Variants in KCNIP1 observed in about 807,000 individuals in gnomAD.
The protein encoded by KCNIP1 is A-type potassium channel modulatory protein KCNIP1.
KCNIP1 carries 18 observed loss-of-function variants against 33.0 expected under a neutral mutation model. The observed-to-expected ratio is 0.55, with a 90% confidence interval of 0.38 to 0.81. The LOEUF (loss-of-function observed/expected upper bound fraction) is 0.81. KCNIP1 is among the 30% of genes least tolerant of loss of function. The probability of loss-of-function intolerance (pLI) is 0.00; values close to 1 mark genes in which losing one functional copy is unlikely to be tolerated. For missense variants in KCNIP1, 238 were observed against 271.6 expected (o/e 0.88, Z 0.87); for synonymous variants, 93 against 98.3 (o/e 0.95, Z 0.32).
At chr5:170,685,410 C>G (rs375778196) in intron 1 of KCNIP1, among the ~76,000 whole-genome samples, 8 of 149,460 alleles carry the variant, frequency 5.4e-5, no homozygotes, top group African/African-American at 2.0e-4. Flanking sequence ...GAGAGAGTCT[C>G]TTCTAAAATC....
chr5:170,608,026 G>T (rs1758998202), intron 1 of KCNIP1, among the ~76,000 whole-genome samples: 1 of 152,116 alleles, frequency 6.6e-6, no homozygotes, highest in South Asian at 2.1e-4. Flanking sequence ...TTCTCTCACT[G>T]CCCTGAAGGC....
At chr5:170,432,797 C>T (rs1319955282) in intron 1 of KCNIP1, among the ~76,000 whole-genome samples, 1 of 152,074 alleles carries the variant, frequency 6.6e-6, no homozygotes, top group Non-Finnish European at 1.5e-5. Flanking sequence ...AATTAATATC[C>T]CCATTTTACA....
At chr5:170,502,235 T>G (rs1345723617), upstream of KCNIP1, among the ~76,000 whole-genome samples, 1 of 152,194 alleles carries the variant, frequency 6.6e-6, no homozygotes, top group Non-Finnish European at 1.5e-5. Flanking sequence ...CAGTGGGCAA[T>G]GCAAAGGAAA....
In KCNIP1 at chr5:170,481,511, G is replaced by A. The variant is rs568385141; in HGVS notation, c.88+127547G>A. Among the ~76,000 whole-genome samples the A allele has an allele frequency of 2.0e-5, 3 of 152,214 alleles. No individual in the cohort carries two copies. In the East Asian group the frequency reaches 5.8e-4, roughly 29 times the overall value. ...AGCGTGAGCATTGCTCCATTATGTT[G>A]TTCTAATGTAAAAATGTCAAACACA... is the stretch of plus-strand genomic sequence containing the variant. On this transcript the variant is annotated intron_variant, in intron 1 of 7. Transcript: ENST00000377360.
Position 170,386,683 on chromosome 5 carries a change from G to A in KCNIP1, c.88+32719G>A, listed in dbSNP as rs906196586. Among the ~76,000 whole-genome samples the A allele has an allele frequency of 6.6e-5, 10 of 151,384 alleles. No individual in the cohort carries two copies. In the South Asian group the frequency reaches 8.3e-4, roughly 13 times the overall value. On this transcript the variant is annotated intron_variant, in intron 1 of 7. Transcript: ENST00000377360. ...AGAGGCAGGAGGTTTACCATATTCC[G>A]GTGTTTTTTTTTTTTGTAAGGAACA...
intron 1 of KCNIP1, among the ~76,000 whole-genome samples, chr5:170,577,969 T>A (rs541406320): frequency 2.0e-4 from 30 of 152,284 alleles, no homozygotes; most frequent in Admixed American, 1.7e-3. Flanking sequence ...CTAAAAAAAA[T>A]GTGTCAATGA....
intron 1 of KCNIP1, among the ~76,000 whole-genome samples, chr5:170,492,854 A>T (rs1031776298): frequency 1.3e-5 from 2 of 152,080 alleles, no homozygotes; most frequent in Non-Finnish European, 2.9e-5. Flanking sequence ...GGTTCAAGTG[A>T]TTCTCCTGCC....
intron 1 of KCNIP1, among the ~76,000 whole-genome samples, chr5:170,583,339 CAA>C (rs1315198651): frequency 1.3e-5 from 2 of 152,122 alleles, no homozygotes; most frequent in Non-Finnish European, 2.9e-5. Flanking sequence ...GCCAATGCTG[CAA>C]AGTTTACTTA....
intron 5 of KCNIP1, among the ~76,000 whole-genome samples, chr5:170,730,962 A>T (rs956881484): frequency 6.6e-6 from 1 of 152,236 alleles, no homozygotes; most frequent in Non-Finnish European, 1.5e-5. Flanking sequence ...GTAAATGCCC[A>T]CAAGTCCATG....
At chr5:170,636,679 G>A (rs1218797843) in intron 1 of KCNIP1, among the ~76,000 whole-genome samples, 6 of 152,100 alleles carry the variant, frequency 3.9e-5, no homozygotes, top group African/African-American at 7.2e-5. Flanking sequence ...CCCCAAGATC[G>A]CACAGCAAGC....
In KCNIP1 at chr5:170,735,886, AT is replaced by A; in HGVS notation, c.*84del. 8.2e-7 allele frequency: 1 copy of A among 1,225,106 alleles called. No homozygotes were observed. Among genetic ancestry groups the A allele is most frequent in the Non-Finnish European group, 1.2e-6 (1 of 832,806 alleles). The allele number at this position is 1,225,106 out of a possible 1,614,324, so 75.9% of individuals were successfully genotyped here. A position where few individuals can be genotyped will look rare whatever the true frequency, so the allele number is the denominator to read the frequency against. ...AACACCCTGATCTGCCCTTGTTCTGATTTTACACACCAACTCTTGGGACAGA... is the reference window on the plus strand; with the variant it reads ...AACACCCTGATCTGCCCTTGTTCTGATTTACACACCAACTCTTGGGACAGA... On this transcript the variant is annotated 3_prime_UTR_variant, in exon 8 of 8. Coordinates refer to ENST00000328939, the MANE Select transcript of KCNIP1 (RefSeq NM_014592.4).
At chr5:170,735,194 T>A (rs188726383) in intron 7 of KCNIP1, among the ~76,000 whole-genome samples, 8 of 152,392 alleles carry the variant, frequency 5.2e-5, no homozygotes, top group African/African-American at 1.9e-4. Context: ...GTTTTCTTAC[T>A]GTATGTCTCT....
At chr5:170,628,984 C>T (rs527252583) in intron 1 of KCNIP1, among the ~76,000 whole-genome samples, 1 of 152,344 alleles carries the variant, frequency 6.6e-6, no homozygotes, top group Admixed American at 6.5e-5. Flanking sequence ...TGTGCCTCGT[C>T]AGCCCCACTG....
chr5:170,636,505 G>A (rs1168117723), intron 1 of KCNIP1, among the ~76,000 whole-genome samples: 1 of 152,128 alleles, frequency 6.6e-6, no homozygotes, highest in Non-Finnish European at 1.5e-5. Context: ...CTATCCTCAA[G>A]GAGAATATTG....
At chr5:170,634,421 C>G (rs961776818) in intron 1 of KCNIP1, among the ~76,000 whole-genome samples, 7 of 152,196 alleles carry the variant, frequency 4.6e-5, no homozygotes, top group Admixed American at 3.3e-4. Context: ...GCCCAAGGTT[C>G]TACATTTCCA....
intron 1 of KCNIP1, among the ~76,000 whole-genome samples, chr5:170,395,392 A>G (rs577281808): frequency 6.6e-6 from 1 of 152,326 alleles, no homozygotes; most frequent in African/African-American, 2.4e-5. Flanking sequence ...AAGGCTATAC[A>G]GTTTTCTAGG....
chr5:170,361,768 A>G (rs1288906120), intron 1 of KCNIP1, among the ~76,000 whole-genome samples: 1 of 152,136 alleles, frequency 6.6e-6, no homozygotes, highest in Non-Finnish European at 1.5e-5. Flanking sequence ...GACGTGGAGG[A>G]AAGAGAGTAA....
At chr5:170,729,207 T>A (rs1764111912) in intron 5 of KCNIP1, among the ~76,000 whole-genome samples, 1 of 152,044 alleles carries the variant, frequency 6.6e-6, no homozygotes, top group South Asian at 2.1e-4. Flanking sequence ...GGAAAAAGCA[T>A]AAAATCAAAG....
At chr5:170,708,221 G>A (rs102686) in intron 1 of KCNIP1, among the ~76,000 whole-genome samples, 34,392 of 152,048 alleles carry the variant, frequency 0.23, 4,005 homozygotes, top group South Asian at 0.31. Flanking sequence ...ATTAGGGAAC[G>A]CTGTCAATCA....
Sources: allele counts gnomAD v4.1 joint callset (sites outside exome capture counted in the v4.1 genomes callset), GRCh38; gene constraint gnomAD v4.1.1; transcripts MANE v1.5; gene names NCBI Gene and HGNC (gene_info 2026-07-23, HGNC 2026-07-21).